OTUD7A: variants seen among roughly 807,000 people sequenced by gnomAD.
OTUD7A encodes OTU deubiquitinase 7A, also known as OTU domain-containing protein 7A.
A neutral mutation model predicts 65.7 loss-of-function variants in OTUD7A; 12 were observed. The observed-to-expected ratio is 0.18, with a 90% CI of 0.12 to 0.30. The LOEUF (loss-of-function observed/expected upper bound fraction) is 0.30, where lower values mean the gene tolerates loss of function less well. OTUD7A is among the 10% of genes least tolerant of loss of function. OTUD7A has a pLI of 1.00. For synonymous variants in OTUD7A, 641 were observed against 586.3 expected (o/e 1.09, Z -1.35); for missense variants, 1,148 against 1,304.8 (o/e 0.88, Z 1.85).
At chr15:31,667,655 A>G (rs373099596) in intron 1 of OTUD7A, among the ~76,000 whole-genome samples, 3 of 152,242 alleles carry the variant, frequency 2.0e-5, no homozygotes, top group African/African-American at 7.2e-5. Flanking sequence ...GTGAGGTACC[A>G]TTGCATTCAT....
intron 1 of OTUD7A, among the ~76,000 whole-genome samples, chr15:31,853,636 T>C (rs564788674): frequency 1.3e-5 from 2 of 151,872 alleles, no homozygotes; most frequent in Non-Finnish European, 2.9e-5. Flanking sequence ...CTCGGCCTTG[T>C]ACAGAGAGAA....
intron 1 of OTUD7A, among the ~76,000 whole-genome samples, chr15:31,696,768 G>A (rs1467810604): frequency 2.0e-5 from 3 of 152,004 alleles, no homozygotes; most frequent in Admixed American, 6.5e-5. Flanking sequence ...ATGGGGGTGG[G>A]TGCCCACTTG....
At chr15:31,803,471 G>A (rs1349526568) in intron 1 of OTUD7A, among the ~76,000 whole-genome samples, 1 of 152,118 alleles carries the variant, frequency 6.6e-6, no homozygotes, top group Non-Finnish European at 1.5e-5. Context: ...ACCACTCTGT[G>A]CACAGTGACC....
intron 3 of OTUD7A, among the ~76,000 whole-genome samples, chr15:31,640,401 G>A (rs1194754621): frequency 6.6e-6 from 1 of 151,186 alleles, no homozygotes; most frequent in Admixed American, 6.6e-5. Context: ...ATAACCTACG[G>A]AAATAAAAAA....
chr15:31,492,216 G>C (rs1214939958), intron 10 of OTUD7A, among the ~76,000 whole-genome samples: 1 of 152,146 alleles, frequency 6.6e-6, no homozygotes, highest in African/African-American at 2.4e-5. Flanking sequence ...GGGAGGGAGG[G>C]ATTGGTAATA....
At chr15:31,774,725 A>C (rs1895326309) in intron 1 of OTUD7A, among the ~76,000 whole-genome samples, 2 of 152,214 alleles carry the variant, frequency 1.3e-5, no homozygotes, top group Admixed American at 1.3e-4. Flanking sequence ...ACATGATCCC[A>C]GTTGTCTGGG....
At chr15:31,797,998 C>T (rs1284180074) in intron 1 of OTUD7A, among the ~76,000 whole-genome samples, 2 of 152,166 alleles carry the variant, frequency 1.3e-5, no homozygotes, top group Admixed American at 6.5e-5. Flanking sequence ...AGACACCCGC[C>T]TTTTCACTGC....
chr15:31,483,295 C>T lies in OTUD7A; in HGVS notation c.2801G>A (p.Ter934=). The change falls in exon 13 of 13, where the codon TGA becomes TAA. Residue 934 remains the stop codon, a stop_retained_variant. Transcript: ENST00000307050. ...GCCGCCCGCGCCGCGCCGCGCCGCT[C>T]AGGGCCGGGCCCCGCGCGCCTCGCG... is the stretch of plus-strand genomic sequence containing the variant. The part of the protein sequence containing the change: ...RRREARGARP[*] 8.7e-7 allele frequency: 1 copy of T among 1,143,514 alleles called. No individual in the cohort carries two copies. The highest frequency in any genetic ancestry group is 1.1e-6 in the Non-Finnish European group (1 of 932,860). The allele number at this position is 1,143,514 out of a possible 1,614,324, so 70.8% of individuals were successfully genotyped here.
At chr15:31,684,213 T>C (rs530779265) in intron 1 of OTUD7A, among the ~76,000 whole-genome samples, 3 of 151,992 alleles carry the variant, frequency 2.0e-5, no homozygotes, top group East Asian at 1.9e-4. Context: ...GGAACTCAAA[T>C]GGAGTGGGAA....
chr15:31,674,000 A>T (rs1240523579), intron 1 of OTUD7A, among the ~76,000 whole-genome samples: 1 of 152,322 alleles, frequency 6.6e-6, no homozygotes, highest in African/African-American at 2.4e-5. Context: ...CACTAAACCT[A>T]CCTTCATACT....
chr15:31,598,084 T>C (rs1337028771), intron 3 of OTUD7A, among the ~76,000 whole-genome samples: 1 of 151,988 alleles, frequency 6.6e-6, no homozygotes, highest in East Asian at 1.9e-4. Flanking sequence ...AGTTCTGTGG[T>C]GGTGATGTTG....
chr15:31,526,602 C>T (rs1253623600), intron 7 of OTUD7A, 141 bp from the exon 8 acceptor site: 1 of 594,870 alleles, frequency 1.7e-6, no homozygotes, highest in African/African-American at 1.9e-5. Context: ...ACCAACTGCA[C>T]CCTCTTGGCC....
intron 1 of OTUD7A, among the ~76,000 whole-genome samples, chr15:31,670,774 G>A (rs375551855): frequency 5.9e-5 from 9 of 152,096 alleles, no homozygotes; most frequent in Non-Finnish European, 8.8e-5. Context: ...GGCGGATCAC[G>A]AGGTCAGGAG....
At chr15:31,634,807 C>A (rs1204277067) in intron 3 of OTUD7A, among the ~76,000 whole-genome samples, 1 of 152,216 alleles carries the variant, frequency 6.6e-6, no homozygotes, top group African/African-American at 2.4e-5. Flanking sequence ...CAGTCTGGGG[C>A]CCTTTTTTCC....
intron 3 of OTUD7A, among the ~76,000 whole-genome samples, chr15:31,595,376 C>A (rs1290836173): frequency 6.6e-6 from 1 of 152,238 alleles, no homozygotes; most frequent in African/African-American, 2.4e-5. Context: ...CAGTTCCACA[C>A]ACGTTGCTGC....
chr15:31,626,828 G>A (rs1271749114), intron 3 of OTUD7A, among the ~76,000 whole-genome samples: 1 of 151,670 alleles, frequency 6.6e-6, no homozygotes, highest in Admixed American at 6.6e-5. Flanking sequence ...CTCCTGCCTT[G>A]GCCTCCCAAA....
intron 1 of OTUD7A, among the ~76,000 whole-genome samples, chr15:31,839,655 C>T (rs1015358761): frequency 3.9e-5 from 6 of 152,144 alleles, no homozygotes; most frequent in African/African-American, 1.4e-4. Context: ...CAGGGACATC[C>T]CGGCTCCATT....
At chr15:31,722,639 C>T (rs565383966) in intron 1 of OTUD7A, among the ~76,000 whole-genome samples, 31 of 152,322 alleles carry the variant, frequency 2.0e-4, no homozygotes, top group Admixed American at 1.0e-3. Context: ...AGGACCACTG[C>T]GGCCCAGGGA....
intron 9 of OTUD7A, among the ~76,000 whole-genome samples, chr15:31,503,421 C>A (rs998262846): frequency 5.9e-5 from 9 of 152,202 alleles, no homozygotes; most frequent in Non-Finnish European, 1.2e-4. Flanking sequence ...CCTAGGCACA[C>A]GACAGGAGAC....
Sources: gnomAD v4.1 joint callset for allele counts (sites outside exome capture counted in the v4.1 genomes callset) on GRCh38, gnomAD v4.1.1 for gene constraint, MANE v1.5 for transcripts, NCBI Gene and HGNC (gene_info 2026-07-23, HGNC 2026-07-21) for gene names.